DOCK4: variants seen among roughly 807,000 people sequenced by gnomAD.
DOCK4 encodes the protein dedicator of cytokinesis protein 4.
In DOCK4, 97 loss-of-function variants were observed where a neutral mutation model predicts 268.1. That is an observed-to-expected ratio of 0.36 (90% confidence interval 0.31 to 0.43). The LOEUF (loss-of-function observed/expected upper bound fraction) is 0.43. Ranked by LOEUF, DOCK4 falls within the 20% of genes least tolerant of loss-of-function variation. The pLI is 1.00. For missense variants in DOCK4, 2,145 were observed against 2,455.7 expected (o/e 0.87, Z 2.67); for synonymous variants, 954 against 887.2 (o/e 1.08, Z -1.34).
rs575733462 is a variant in DOCK4, at chr7:111,999,973, A to T, written c.162+521T>A. The stretch of plus-strand genomic sequence containing the variant: ...AATTCCTGAGGATTTATAGAAATGT[A>T]TCAAGGATAATGAATCTTAATTTCT... On this transcript the variant is annotated intron_variant, in intron 3 of 52. Transcript: ENST00000428084. Among the ~76,000 whole-genome samples the T allele has an allele frequency of 8.5e-5, 13 of 152,240 alleles. No individual in the cohort carries two copies. The South Asian group carries it at 2.7e-3, about 32-fold the overall frequency.
intron 31 of DOCK4, 141 bp downstream of exon 31, chr7:111,790,316 T>C: frequency 1.1e-6 from 1 of 906,760 alleles, no homozygotes; most frequent in Non-Finnish European, 1.6e-6. Context: ...GCTGTGTGGC[T>C]TGGGAGTGGA....
chr7:111,977,122 G>A lies in DOCK4; in HGVS notation c.701+10C>T, dbSNP rs180757592. The A allele has an allele frequency of 8.2e-5, 132 of 1,612,710 alleles. No homozygotes were observed. In the Middle Eastern group the frequency reaches 1.3e-3, roughly 16 times the overall value. On this transcript the variant is annotated intron_variant, in intron 8 of 52. Coordinates refer to ENST00000428084, the MANE Select transcript of DOCK4 (RefSeq NM_001363540.2). ...TAAGACATTGAAACCCTATCTCCACGTGCAGGTACCTGATTGGCCGGTTCT... is the reference window on the plus strand; with the variant it reads ...TAAGACATTGAAACCCTATCTCCACATGCAGGTACCTGATTGGCCGGTTCT...
intron 47 of DOCK4, 33 bp downstream of exon 47, chr7:111,741,061 T>C (rs1795885535): frequency 1.2e-6 from 2 of 1,611,518 alleles, no homozygotes. Context: ...AGAAAAGGAA[T>C]AAACACAACC....
At chr7:112,170,744 T>C (rs1818016395) in intron 1 of DOCK4, among the ~76,000 whole-genome samples, 1 of 152,186 alleles carries the variant, frequency 6.6e-6, no homozygotes, top group Non-Finnish European at 1.5e-5. Context: ...ACTTAAGTAA[T>C]CTAAGAAATT....
At chr7:111,772,605 G>A (rs530092774) in intron 36 of DOCK4, among the ~76,000 whole-genome samples, 4 of 151,528 alleles carry the variant, frequency 2.6e-5, no homozygotes, top group East Asian at 1.9e-4. Context: ...AGACCAGCCT[G>A]GCTGACATAG....
intron 11 of DOCK4, among the ~76,000 whole-genome samples, chr7:111,939,558 T>C (rs1207392913): frequency 1.3e-5 from 2 of 151,790 alleles, no homozygotes; most frequent in Non-Finnish European, 2.9e-5. Context: ...AGTGTTCCAT[T>C]ATTGGAATGC....
At chr7:111,754,886 C>T (rs1185182998) in intron 42 of DOCK4, among the ~76,000 whole-genome samples, 1 of 152,200 alleles carries the variant, frequency 6.6e-6, no homozygotes, top group East Asian at 1.9e-4. Flanking sequence ...GAGACTAATA[C>T]GCTGCCATCC....
chr7:112,198,386 TTTAAACTA>T (rs1174946343), intron 1 of DOCK4, among the ~76,000 whole-genome samples: 1 of 152,190 alleles, frequency 6.6e-6, no homozygotes, highest in Non-Finnish European at 1.5e-5. Flanking sequence ...ATTTCTTTTG[TTTAAACTA>T]TCCAGTCTAT....
chr7:112,185,713 A>G (rs1296479870), intron 1 of DOCK4, among the ~76,000 whole-genome samples: 2 of 152,228 alleles, frequency 1.3e-5, no homozygotes, highest in African/African-American at 4.8e-5. Flanking sequence ...TCTCCCTTGT[A>G]CTGCCACAGA....
chr7:111,763,284 G>C (rs1797569622), intron 39 of DOCK4, among the ~76,000 whole-genome samples: 1 of 152,038 alleles, frequency 6.6e-6, no homozygotes, highest in Admixed American at 6.6e-5. Context: ...ATATTTGTTT[G>C]CTTTTAAATC....
intron 8 of DOCK4, among the ~76,000 whole-genome samples, chr7:111,952,033 G>C (rs983578282): frequency 2.0e-5 from 3 of 151,580 alleles, no homozygotes; most frequent in African/African-American, 7.3e-5. Context: ...TGAGGCAGGA[G>C]GATTACTTGA....
At chr7:112,124,314 G>A (rs531444628) in intron 1 of DOCK4, among the ~76,000 whole-genome samples, 4 of 152,238 alleles carry the variant, frequency 2.6e-5, no homozygotes, top group African/African-American at 9.6e-5. Flanking sequence ...AGTCACTATT[G>A]CCTGACCAAA....
At chr7:111,808,635 A>G (rs1800847804) in intron 30 of DOCK4, 186 bp downstream of exon 30, 1 of 532,650 alleles carries the variant, frequency 1.9e-6, no homozygotes, top group Admixed American at 3.3e-5. Flanking sequence ...TTTCTTAGAG[A>G]CCAATTTAAA....
chr7:112,012,636 C>T (rs1801438916), intron 1 of DOCK4, among the ~76,000 whole-genome samples: 1 of 152,072 alleles, frequency 6.6e-6, no homozygotes, highest in Admixed American at 6.6e-5. Context: ...ACCAATTGTA[C>T]TTAATCCACC....
intron 12 of DOCK4, among the ~76,000 whole-genome samples, chr7:111,918,352 C>G (rs1189313603): frequency 6.6e-6 from 1 of 152,194 alleles, no homozygotes; most frequent in Admixed American, 6.5e-5. Flanking sequence ...ATCTCCCTCT[C>G]CAGCCCCACC....
rs1419914262 is a variant in DOCK4 at position 111,869,570 on chromosome 7, T to G, written c.2109+4A>C. The stretch of plus-strand genomic sequence containing the variant: ...CTCTGCTGTTATCAACAGCATGTTA[T>G]CACCTTCAGCACCTCCTGGATATGC... On this transcript the variant is annotated splice_donor_region_variant and intron_variant, in intron 21 of 52. Coordinates refer to ENST00000428084, the MANE Select transcript of DOCK4 (RefSeq NM_001363540.2). 6.2e-7 allele frequency: 1 copy of G among 1,613,056 alleles called. No homozygotes were observed. Among genetic ancestry groups the G allele is most frequent in the African/African-American group, 1.3e-5 (1 of 74,922 alleles).
intron 23 of DOCK4, among the ~76,000 whole-genome samples, chr7:111,859,779 G>T (rs1034570126): frequency 2.6e-5 from 4 of 151,658 alleles, no homozygotes; most frequent in African/African-American, 9.7e-5. Flanking sequence ...GTTTTAGCCG[G>T]GATGGTCTCG....
At chr7:112,161,830 A>AT (rs1198418741) in intron 1 of DOCK4, among the ~76,000 whole-genome samples, 1 of 152,068 alleles carries the variant, frequency 6.6e-6, no homozygotes, top group Non-Finnish European at 1.5e-5. Context: ...TGCCAAGGTA[A>AT]TTTTTTTCCA....
At chr7:112,007,869 C>T (rs919758357) in intron 1 of DOCK4, among the ~76,000 whole-genome samples, 1 of 152,164 alleles carries the variant, frequency 6.6e-6, no homozygotes, top group Admixed American at 6.5e-5. Context: ...CTTTAAATTT[C>T]TCCAAGTGTT....
Sources: gnomAD v4.1 joint callset for allele counts (sites outside exome capture counted in the v4.1 genomes callset) on GRCh38, gnomAD v4.1.1 for gene constraint, MANE v1.5 for transcripts, NCBI Gene and HGNC (gene_info 2026-07-23, HGNC 2026-07-21) for gene names.